Variants in RBFOX1 observed in about 807,000 individuals in gnomAD.
RBFOX1 encodes the protein RNA binding protein fox-1 homolog 1.
RBFOX1 carries 8 observed loss-of-function variants against 57.7 expected under a neutral mutation model. The observed-to-expected ratio is 0.14, with a 90% CI of 0.08 to 0.25. RBFOX1 has a LOEUF of 0.25. Among genes scored for constraint, RBFOX1 ranks in the 10% least tolerant of loss-of-function variants. The pLI is 1.00. For missense variants in RBFOX1, 611 were observed against 548.5 expected (o/e 1.11, Z -1.14); for synonymous variants, 326 against 222.4 (o/e 1.47, Z -4.15).
At chr16:5,353,941 A>G (rs1249037697) in intron 1 of RBFOX1, among the ~76,000 whole-genome samples, 1 of 152,074 alleles carries the variant, frequency 6.6e-6, no homozygotes, top group Admixed American at 6.6e-5. Context: ...GGGGCGGTGT[A>G]GTAAATGTTG....
rs398058056 is a variant in RBFOX1, at chr16:6,036,396, G to GTT, written c.-127+16413_-127+16414dup. Reference sequence around the variant, plus strand: ...CATCCATTCTAGCATAATGTTTTGTGTTTTTTTTTTGCCATTGCTTTTTTG... The same window carrying GTT: ...CATCCATTCTAGCATAATGTTTTGTGTTTTTTTTTTTTGCCATTGCTTTTTTG... On this transcript the variant is annotated intron_variant, in intron 1 of 15. Transcript: ENST00000550418. Among the ~76,000 whole-genome samples the GTT allele has an allele frequency of 4.3e-3, 639 of 148,294 alleles. 4 individuals carry two copies. The highest frequency in any genetic ancestry group is 9.0e-3 in the African/African-American group (364 of 40,446).
chr16:5,344,473 C>T (rs1047591290), intron 1 of RBFOX1, among the ~76,000 whole-genome samples: 1 of 152,100 alleles, frequency 6.6e-6, no homozygotes, highest in African/African-American at 2.4e-5. Context: ...TATTTTGTTC[C>T]CTCTTAACTA....
At chr16:7,356,133 C>T (rs1373870545) in intron 4 of RBFOX1, among the ~76,000 whole-genome samples, 1 of 152,184 alleles carries the variant, frequency 6.6e-6, no homozygotes, top group African/African-American at 2.4e-5. Context: ...TCAGTATGTT[C>T]ATCCAATCCT....
intron 4 of RBFOX1, among the ~76,000 whole-genome samples, chr16:7,238,888 C>T (rs143968093): frequency 6.6e-6 from 1 of 152,270 alleles, no homozygotes; most frequent in East Asian, 1.9e-4. Context: ...TGAGAACATG[C>T]AGTGTTTGGT....
rs75068277 is a variant in RBFOX1, at chr16:7,340,446, T to C, written c.28-177701T>C. On this transcript the variant is annotated intron_variant, in intron 4 of 15. Coordinates refer to ENST00000550418, the MANE Select transcript of RBFOX1 (RefSeq NM_018723.4). Reference sequence around the variant, plus strand: ...GATTTGCCAAAGGCAGGGATGGCTGTTTTACCTGGTATCTTCTCCGTTGCA... The same window carrying C: ...GATTTGCCAAAGGCAGGGATGGCTGCTTTACCTGGTATCTTCTCCGTTGCA... Among the ~76,000 whole-genome samples the C allele has an allele frequency of 5.5e-3, 841 of 152,316 alleles. 7 individuals carry two copies. The highest frequency in any genetic ancestry group is 0.019 in the African/African-American group (773 of 41,572).
intron 4 of RBFOX1, among the ~76,000 whole-genome samples, chr16:7,404,624 C>A (rs1324764599): frequency 1.3e-5 from 2 of 152,086 alleles, no homozygotes; most frequent in African/African-American, 2.4e-5. Context: ...CAGAAGAGAC[C>A]CTGTCTCTCA....
chr16:7,689,897 C>T (rs778531527), intron 14 of RBFOX1, among the ~76,000 whole-genome samples: 2 of 152,002 alleles, frequency 1.3e-5, no homozygotes, highest in Admixed American at 6.6e-5. Flanking sequence ...ACTAGAAGTA[C>T]CCTTTCTTGG....
intron 3 of RBFOX1, among the ~76,000 whole-genome samples, chr16:6,912,705 C>T (rs894673918): frequency 1.6e-4 from 25 of 151,908 alleles, no homozygotes; most frequent in African/African-American, 4.6e-4. Context: ...AGCGCCCCAA[C>T]CTCCTGGGCT....
intron 2 of RBFOX1, among the ~76,000 whole-genome samples, chr16:6,595,816 G>A (rs959847733): frequency 2.6e-5 from 4 of 152,094 alleles, no homozygotes; most frequent in African/African-American, 4.8e-5. Context: ...CTGGCATTAA[G>A]CATCTTTTTA....
chr16:6,564,240 G>C (rs533214924), intron 2 of RBFOX1, among the ~76,000 whole-genome samples: 1 of 152,276 alleles, frequency 6.6e-6, no homozygotes, highest in South Asian at 2.1e-4. Flanking sequence ...AGAAACTCAA[G>C]AGCATCATGT....
chr16:6,998,375 A>G (rs1412890679), intron 3 of RBFOX1, among the ~76,000 whole-genome samples: 7 of 152,162 alleles, frequency 4.6e-5, no homozygotes, highest in Non-Finnish European at 7.3e-5. Flanking sequence ...ATAAGATGCT[A>G]CAGATGGTGA....
At chr16:5,483,372 C>G (rs1344556251) in intron 2 of RBFOX1, among the ~76,000 whole-genome samples, 4 of 152,236 alleles carry the variant, frequency 2.6e-5, no homozygotes, top group African/African-American at 9.6e-5. Context: ...TGCTCTTTCC[C>G]ACGCTTGCCC....
chr16:6,189,288 A>T (rs2097127124), intron 1 of RBFOX1, among the ~76,000 whole-genome samples: 1 of 152,238 alleles, frequency 6.6e-6, no homozygotes, highest in Non-Finnish European at 1.5e-5. Context: ...AGGACTGGAA[A>T]GGGGGCCCTG....
chr16:5,967,406 T>C (rs1241325381), intron 4 of RBFOX1, among the ~76,000 whole-genome samples: 2 of 152,248 alleles, frequency 1.3e-5, no homozygotes, highest in African/African-American at 4.8e-5. Context: ...GCTCATTTTA[T>C]ACATTTCTTA....
chr16:5,920,747 G>A (rs2058803345), intron 4 of RBFOX1, among the ~76,000 whole-genome samples: 1 of 152,174 alleles, frequency 6.6e-6, no homozygotes, highest in South Asian at 2.1e-4. Context: ...TGTGGGATCT[G>A]AACTGGAATT....
chr16:5,984,239 C>G (rs958175250), intron 4 of RBFOX1, among the ~76,000 whole-genome samples: 6 of 140,960 alleles, frequency 4.3e-5, no homozygotes, highest in Non-Finnish European at 7.6e-5. Context: ...CTCATGGAAC[C>G]AGGAGCAATA....
At chr16:5,835,195 C>A (rs963388585) in intron 3 of RBFOX1, among the ~76,000 whole-genome samples, 1 of 152,136 alleles carries the variant, frequency 6.6e-6, no homozygotes, top group African/African-American at 2.4e-5. Flanking sequence ...CTGGTGAGGG[C>A]TTCCTAGAAG....
intron 4 of RBFOX1, among the ~76,000 whole-genome samples, chr16:7,371,233 G>A (rs1179837747): frequency 6.6e-6 from 1 of 152,130 alleles, no homozygotes; most frequent in Non-Finnish European, 1.5e-5. Flanking sequence ...ATGTGTCCCA[G>A]GAAGAATCAA....
chr16:7,240,163 C>T (rs1205632099), intron 4 of RBFOX1, among the ~76,000 whole-genome samples: 1 of 152,080 alleles, frequency 6.6e-6, no homozygotes, highest in African/African-American at 2.4e-5. Flanking sequence ...GAAAGGGTTT[C>T]ACCATGTTGG....
Sources: gnomAD v4.1 joint callset for allele counts (sites outside exome capture counted in the v4.1 genomes callset) on GRCh38, gnomAD v4.1.1 for gene constraint, MANE v1.5 for transcripts, NCBI Gene and HGNC (gene_info 2026-07-23, HGNC 2026-07-21) for gene names.